The following CES5A variants were observed in gnomAD, a reference collection of about 807,000 sequenced individuals.
The protein encoded by CES5A is carboxylesterase 5.
CES5A carries 67 observed loss-of-function variants against 62.9 expected under a neutral mutation model. That is an observed-to-expected ratio of 1.07 (90% CI 0.88 to 1.31). The LOEUF (loss-of-function observed/expected upper bound fraction) is 1.31, where lower values mean the gene tolerates loss of function less well. CES5A is among the 50% of genes most tolerant of loss of function. The pLI is 0.00. For synonymous variants in CES5A, 296 were observed against 280.8 expected (o/e 1.05, Z -0.54); for missense variants, 748 against 708.5 (o/e 1.06, Z -0.63).
intron 1 of CES5A, among the ~76,000 whole-genome samples, chr16:55,893,051 C>G (rs1305491936): frequency 1.3e-5 from 2 of 152,130 alleles, no homozygotes; most frequent in African/African-American, 4.8e-5. Flanking sequence ...CTGGTCCCTG[C>G]CTGCCAATTC....
At chr16:55,915,305 A>G (rs2034137088) in intron 1 of CES5A, among the ~76,000 whole-genome samples, 1 of 152,200 alleles carries the variant, frequency 6.6e-6, no homozygotes, top group South Asian at 2.1e-4. Flanking sequence ...CCGCTGAATG[A>G]CATGCATAAT....
chr16:55,853,003 A>G lies in CES5A; in HGVS notation c.1151T>C (p.Leu384Pro), dbSNP rs781446935. Residue 384 changes from leucine (L) to proline (P), a missense_variant, in exon 10 of 13, where the codon CTT (leucine) becomes CCT (proline). Leu to Pro is a moderately conservative substitution (Grantham distance 98). Transcript: ENST00000290567. ...ILHIPPQYLHLVANEYFHDKH... is the reference protein window; with the variant it reads ...ILHIPPQYLHPVANEYFHDKH... ...GTCATGGAAGTATTCATTAGCCACAAGGTGCAAATACTGAGGCGGGATGTG... is the reference window on the plus strand; with the variant it reads ...GTCATGGAAGTATTCATTAGCCACAGGGTGCAAATACTGAGGCGGGATGTG... 5 of 1,614,174 alleles carry G rather than the reference A, an allele frequency of 3.1e-6. No individual in the cohort carries two copies. The highest frequency in any genetic ancestry group is 2.2e-5 in the East Asian group (1 of 44,882).
At chr16:55,852,778 A>C (rs538000100) in intron 10 of CES5A, 103 bp downstream of exon 10, 11 of 1,319,170 alleles carry the variant, frequency 8.3e-6, no homozygotes, top group Non-Finnish European at 1.1e-5. Flanking sequence ...TTTCCATGAT[A>C]GAACAGAGGC....
intron 1 of CES5A, among the ~76,000 whole-genome samples, chr16:55,924,120 C>A (rs1214231592): frequency 6.6e-6 from 1 of 151,762 alleles, no homozygotes; most frequent in African/African-American, 2.4e-5. Context: ...AGAAAGAAGT[C>A]AAATTATCCT....
chr16:55,881,145 G>A (rs1382091746), intron 1 of CES5A, among the ~76,000 whole-genome samples: 2 of 152,148 alleles, frequency 1.3e-5, no homozygotes, highest in Non-Finnish European at 2.9e-5. Flanking sequence ...GGAGACACAA[G>A]ACACTTGTAC....
chr16:55,949,515 C>T (rs1343189554), intron 2 of CES5A, among the ~76,000 whole-genome samples: 1 of 152,214 alleles, frequency 6.6e-6, no homozygotes, highest in African/African-American at 2.4e-5. Context: ...CCCCTCATGC[C>T]AGACACAAAG....
At chr16:55,925,367 G>A (rs1213411144) in exon 1 of CES5A, 1 of 152,018 alleles carries the variant, frequency 6.6e-6, no homozygotes, top group Non-Finnish European at 1.5e-5. Flanking sequence ...AAAAACGGAT[G>A]CTGGCAAGAG....
intron 2 of CES5A, among the ~76,000 whole-genome samples, chr16:55,932,088 T>C (rs1222353604): frequency 3.3e-5 from 5 of 152,218 alleles, no homozygotes; most frequent in Non-Finnish European, 1.5e-5. Flanking sequence ...CTGGGTTGGT[T>C]ATCACAAGAG....
intron 1 of CES5A, among the ~76,000 whole-genome samples, chr16:55,884,290 T>C (rs56162338): frequency 0.02 from 3,037 of 152,330 alleles, 97 homozygotes; most frequent in Admixed American, 0.088. Flanking sequence ...TTATCATGCA[T>C]GTGAAGCAGC....
At chr16:55,925,253 A>G (rs1487595492) in intron 1 of CES5A, 2 of 152,096 alleles carry the variant, frequency 1.3e-5, no homozygotes, top group Non-Finnish European at 2.9e-5. Flanking sequence ...CAAGTATATG[A>G]AAAACAATGT....
intron 3 of CES5A, 57 bp downstream of exon 3, chr16:55,871,568 G>C: frequency 1.2e-6 from 2 of 1,602,434 alleles, no homozygotes; most frequent in Non-Finnish European, 1.7e-6. Context: ...GCACTGCCTG[G>C]ATCCCAGGCC....
intron 7 of CES5A, among the ~76,000 whole-genome samples, 164 bp from the exon 8 acceptor site, chr16:55,859,851 G>C (rs760060191): frequency 6.6e-6 from 1 of 152,144 alleles, no homozygotes; most frequent in Non-Finnish European, 1.5e-5. Flanking sequence ...CAATATATCA[G>C]TCCCTGGAAG....
intron 1 of CES5A, among the ~76,000 whole-genome samples, chr16:55,910,164 C>T: frequency 6.6e-6 from 1 of 152,170 alleles, no homozygotes; most frequent in East Asian, 1.9e-4. Context: ...TGGCCACACC[C>T]CCTCCTCCAG....
At chr16:55,933,813 G>T (rs1296823509) in intron 2 of CES5A, among the ~76,000 whole-genome samples, 1 of 152,096 alleles carries the variant, frequency 6.6e-6, no homozygotes, top group African/African-American at 2.4e-5. Context: ...AACAGAATAG[G>T]TCATCATCTG....
At chr16:55,877,408 ATG>A (rs201300942), upstream of CES5A, among the ~76,000 whole-genome samples, 252 of 150,738 alleles carry the variant, frequency 1.7e-3, 2 homozygotes, top group African/African-American at 4.9e-3. Flanking sequence ...ATGTATACAT[ATG>A]TGTGTGTGTG....
intron 2 of CES5A, among the ~76,000 whole-genome samples, chr16:55,873,253 T>C (rs1412513192): frequency 6.6e-5 from 10 of 152,136 alleles, no homozygotes; most frequent in African/African-American, 2.2e-4. Context: ...GACCAGGAGC[T>C]CCTTACCTCC....
chr16:55,902,230 C>A (rs1052422941), intron 1 of CES5A, among the ~76,000 whole-genome samples: 1 of 152,114 alleles, frequency 6.6e-6, no homozygotes, highest in Non-Finnish European at 1.5e-5. Flanking sequence ...ATGATGACTG[C>A]ATTTGAGGAG....
chr16:55,861,531 A>G lies in CES5A; in HGVS notation c.811-15T>C. On this transcript the variant is annotated splice_polypyrimidine_tract_variant and intron_variant, in intron 6 of 12. Coordinates refer to ENST00000290567, the MANE Select transcript of CES5A (RefSeq NM_001143685.2). Reference sequence around the variant, plus strand: ...ACCACCTGCAGCTATTTTGTAGAGAAGGACCGGGTTAGAGCATGATATTGA... The same window carrying G: ...ACCACCTGCAGCTATTTTGTAGAGAGGGACCGGGTTAGAGCATGATATTGA... 1 of 1,569,476 alleles carries G rather than the reference A, an allele frequency of 6.4e-7. No individual in the cohort carries two copies. Among genetic ancestry groups the G allele is most frequent in the Non-Finnish European group, 8.8e-7 (1 of 1,139,340 alleles).
intron 9 of CES5A, among the ~76,000 whole-genome samples, chr16:55,853,760 C>G (rs1356603508): frequency 2.0e-5 from 3 of 152,198 alleles, no homozygotes; most frequent in African/African-American, 7.2e-5. Context: ...CCAGGCTTCT[C>G]CCTCTCAACT....
Sources: allele counts gnomAD v4.1 joint callset (sites outside exome capture counted in the v4.1 genomes callset), GRCh38; gene constraint gnomAD v4.1.1; transcripts MANE v1.5; gene names NCBI Gene and HGNC (gene_info 2026-07-23, HGNC 2026-07-21).